The following ANXA10 variants were observed in gnomAD, a reference collection of about 807,000 sequenced individuals.
ANXA10 encodes annexin A10.
ANXA10 carries 49 observed loss-of-function variants against 53.5 expected under a neutral mutation model. The observed-to-expected ratio is 0.92, with a 90% CI of 0.73 to 1.16. The LOEUF (loss-of-function observed/expected upper bound fraction) is 1.16. ANXA10 is among the 50% of genes most tolerant of loss of function. ANXA10 has a pLI of 0.00. For missense variants in ANXA10, 393 were observed against 394.4 expected (o/e 1.00, Z 0.03); for synonymous variants, 131 against 128.9 (o/e 1.02, Z -0.11).
rs35992092 is a variant in ANXA10, at chr4:168,153,981, T to TACACACACACAC, written c.196-8536_196-8525dup. Among the ~76,000 whole-genome samples, 1,096 of 149,324 alleles carry TACACACACACAC rather than the reference T, an allele frequency of 7.3e-3. 15 individuals are homozygous for TACACACACACAC. Among genetic ancestry groups the TACACACACACAC allele is most frequent in the African/African-American group, 0.024 (978 of 40,926 alleles). ...AGTTCACTGTAACTATAGCTATGTA[T>TACACACACACAC]ACACACACACACACACACACACGCA... On this transcript the variant is annotated intron_variant, in intron 3 of 11. Transcript: ENST00000359299.
chr4:168,169,492 C>T (rs1731943123), intron 6 of ANXA10, among the ~76,000 whole-genome samples: 1 of 152,202 alleles, frequency 6.6e-6, no homozygotes, highest in Non-Finnish European at 1.5e-5. Context: ...CCAAATCCTG[C>T]TTCTGTTCCC....
At chr4:168,146,011 C>T (rs1731400618) in intron 3 of ANXA10, among the ~76,000 whole-genome samples, 1 of 151,762 alleles carries the variant, frequency 6.6e-6, no homozygotes, top group Non-Finnish European at 1.5e-5. Flanking sequence ...CAAACTCTAC[C>T]TCCCAGGTTC....
chr4:168,132,279 G>A (rs996153515), intron 2 of ANXA10, among the ~76,000 whole-genome samples: 1 of 151,992 alleles, frequency 6.6e-6, no homozygotes, highest in Non-Finnish European at 1.5e-5. Flanking sequence ...ACTCAACAGA[G>A]TACAATTCGA....
At chr4:168,100,181 T>A (rs571787003) in intron 1 of ANXA10, among the ~76,000 whole-genome samples, 1 of 152,288 alleles carries the variant, frequency 6.6e-6, no homozygotes, top group South Asian at 2.1e-4. Flanking sequence ...TTACATTTAG[T>A]CATGTTTTTA....
intron 6 of ANXA10, among the ~76,000 whole-genome samples, chr4:168,169,713 A>T (rs1417448456): frequency 6.6e-6 from 1 of 152,178 alleles, no homozygotes; most frequent in African/African-American, 2.4e-5. Context: ...GCCTAGATGC[A>T]CTATACCTCT....
At chr4:168,125,194 A>C (rs1398246969) in intron 1 of ANXA10, among the ~76,000 whole-genome samples, 1 of 152,186 alleles carries the variant, frequency 6.6e-6, no homozygotes, top group Non-Finnish European at 1.5e-5. Context: ...CCAAAGTAAA[A>C]TCCAAGGAGC....
At chr4:168,140,906 C>T (rs1450499218) in intron 3 of ANXA10, among the ~76,000 whole-genome samples, 1 of 152,234 alleles carries the variant, frequency 6.6e-6, no homozygotes, top group Non-Finnish European at 1.5e-5. Context: ...AGGCGTGAGC[C>T]ACTGTGCCCA....
chr4:168,165,553 A>G (rs1731862879), intron 6 of ANXA10, among the ~76,000 whole-genome samples: 1 of 152,172 alleles, frequency 6.6e-6, no homozygotes, highest in African/African-American at 2.4e-5. Flanking sequence ...TCAAAAAATT[A>G]AAAATCTATT....
intron 1 of ANXA10, among the ~76,000 whole-genome samples, chr4:168,109,302 A>G (rs754087819): frequency 1.2e-4 from 18 of 152,228 alleles, no homozygotes; most frequent in Non-Finnish European, 1.0e-4. Context: ...TTTTCAGTTT[A>G]ATATAAAACA....
chr4:168,154,002 ACG>A (rs1491424924), intron 3 of ANXA10, among the ~76,000 whole-genome samples: 2 of 146,090 alleles, frequency 1.4e-5, no homozygotes, highest in Admixed American at 6.9e-5. Context: ...ACACACACAC[ACG>A]CACACACGCG....
intron 4 of ANXA10, among the ~76,000 whole-genome samples, 157 bp from the exon 5 acceptor site, chr4:168,164,041 C>G (rs1268236207): frequency 3.3e-5 from 5 of 152,150 alleles, no homozygotes; most frequent in Non-Finnish European, 1.5e-5. Flanking sequence ...AATGGCAAAG[C>G]TGAAACTAAG....
At position 168,187,513 on chromosome 4, in the gene ANXA10, T is replaced by C. The variant is rs566664027; in HGVS notation, c.*79T>C. The C allele has an allele frequency of 2.1e-5, 18 of 862,778 alleles. No homozygotes were observed. In the South Asian group the frequency reaches 3.8e-4, roughly 18 times the overall value. The allele number at this position is 862,778 out of a possible 1,614,324, so 53.4% of individuals were successfully genotyped here. A position where few individuals can be genotyped will look rare whatever the true frequency, so the allele number is the denominator to read the frequency against. ...GAGATTTTCTCACAAATTTGTACTGTTCATGGCACTATTAACAAAACTATA... is the reference window on the plus strand; with the variant it reads ...GAGATTTTCTCACAAATTTGTACTGCTCATGGCACTATTAACAAAACTATA... On this transcript the variant is annotated 3_prime_UTR_variant, in exon 12 of 12. Coordinates refer to ENST00000359299, the MANE Select transcript of ANXA10 (RefSeq NM_007193.5).
chr4:168,154,229 C>T (rs1420978148), intron 3 of ANXA10, among the ~76,000 whole-genome samples: 1 of 152,116 alleles, frequency 6.6e-6, no homozygotes, highest in Non-Finnish European at 1.5e-5. Flanking sequence ...TCAGCTTGAA[C>T]ATTGCCTTTT....
intron 1 of ANXA10, among the ~76,000 whole-genome samples, chr4:168,106,720 G>A (rs1449120817): frequency 6.6e-6 from 1 of 152,042 alleles, no homozygotes; most frequent in Admixed American, 6.6e-5. Flanking sequence ...GTTATCACAA[G>A]GGAAATGGAA....
intron 8 of ANXA10, 176 bp downstream of exon 8, chr4:168,178,159 G>A: frequency 1.1e-5 from 6 of 565,530 alleles, no homozygotes; most frequent in South Asian, 5.0e-5. Context: ...ACATTACTAA[G>A]GAATAAATAT....
intron 9 of ANXA10, among the ~76,000 whole-genome samples, chr4:168,180,548 G>A (rs1454909424): frequency 6.6e-6 from 1 of 152,126 alleles, no homozygotes; most frequent in Non-Finnish European, 1.5e-5. Context: ...CACTGACTTA[G>A]GCACTGCAGA....
At chr4:168,179,083 T>C (rs900236651) in intron 8 of ANXA10, 134 bp from the exon 9 acceptor site, 4 of 590,460 alleles carry the variant, frequency 6.8e-6, no homozygotes, top group East Asian at 6.3e-5. Context: ...ATGGTATTTA[T>C]AGCAAACAGA....
chr4:168,180,237 C>T lies in ANXA10; in HGVS notation c.724+925C>T, dbSNP rs1732215212. 3.9e-5 allele frequency among the ~76,000 whole-genome samples: 6 copies of T among 152,148 alleles called. No individual in the cohort carries two copies. In the South Asian group the frequency reaches 1.0e-3, roughly 26 times the overall value. On this transcript the variant is annotated intron_variant, in intron 9 of 11. Transcript: ENST00000359299. ...CTGTGTATTTTTTCTGAAAATGTTACATTTATTCCAGAAAATTCTCTACAA... is the reference window on the plus strand; with the variant it reads ...CTGTGTATTTTTTCTGAAAATGTTATATTTATTCCAGAAAATTCTCTACAA...
intron 1 of ANXA10, among the ~76,000 whole-genome samples, chr4:168,103,217 T>C (rs1307856587): frequency 1.3e-5 from 2 of 152,024 alleles, no homozygotes; most frequent in Non-Finnish European, 2.9e-5. Flanking sequence ...ATTTTTGTTG[T>C]CATTTCTAAA....
Sources: allele counts gnomAD v4.1 joint callset (sites outside exome capture counted in the v4.1 genomes callset), GRCh38; gene constraint gnomAD v4.1.1; transcripts MANE v1.5; gene names NCBI Gene and HGNC (gene_info 2026-07-23, HGNC 2026-07-21).